Variants in MBNL2 observed in about 807,000 individuals in gnomAD.
The protein encoded by MBNL2 is muscleblind like splicing regulator 2, also known as muscleblind-like protein 2.
MBNL2 carries 17 observed loss-of-function variants against 41.9 expected under a neutral mutation model. That is an observed-to-expected ratio of 0.41 (90% CI 0.28 to 0.61). MBNL2 has a LOEUF of 0.61. Among genes scored for constraint, MBNL2 ranks in the 20% least tolerant of loss-of-function variants. The pLI is 0.35. For missense variants in MBNL2, 336 were observed against 505.6 expected (o/e 0.66, Z 3.22); for synonymous variants, 195 against 182.9 (o/e 1.07, Z -0.53).
chr13:97,324,650 C>T (rs929398218), intron 2 of MBNL2, among the ~76,000 whole-genome samples: 1 of 152,146 alleles, frequency 6.6e-6, no homozygotes, highest in African/African-American at 2.4e-5. Flanking sequence ...AGGTGAAGTC[C>T]TGCACTAAGC....
At chr13:97,217,557 G>A (rs549568843), upstream of MBNL2, among the ~76,000 whole-genome samples, 1 of 152,100 alleles carries the variant, frequency 6.6e-6, no homozygotes, top group Non-Finnish European at 1.5e-5. Flanking sequence ...AGGAATAGAA[G>A]ATTTTTCATG....
chr13:97,261,580 C>T (rs1399194827), intron 1 of MBNL2, among the ~76,000 whole-genome samples: 7 of 152,180 alleles, frequency 4.6e-5, no homozygotes, highest in African/African-American at 1.4e-4. Flanking sequence ...AATAAATTAA[C>T]GCTCTTTCGC....
chr13:97,378,274 C>T (rs2065139492), intron 8 of MBNL2, among the ~76,000 whole-genome samples: 1 of 148,522 alleles, frequency 6.7e-6, no homozygotes, highest in Admixed American at 6.6e-5. Flanking sequence ...CTCACACCAA[C>T]CCTGTAAGTT....
At chr13:97,200,427 C>T in the MBNL2 span, among the ~76,000 whole-genome samples, 3 of 152,340 alleles carry the variant, frequency 2.0e-5, no homozygotes, top group East Asian at 5.8e-4. Flanking sequence ...AACCCAGAAC[C>T]ATACAAGGAA....
intron 2 of MBNL2, among the ~76,000 whole-genome samples, chr13:97,286,530 CAT>C (rs1491474564): frequency 6.6e-6 from 1 of 152,206 alleles, no homozygotes; most frequent in Non-Finnish European, 1.5e-5. Context: ...CCTTTTAAAA[CAT>C]AAGTCACAGC....
chr13:97,208,127 A>G, the MBNL2 span, among the ~76,000 whole-genome samples: 1 of 152,242 alleles, frequency 6.6e-6, no homozygotes, highest in Non-Finnish European at 1.5e-5. Context: ...GTTTGGAGAT[A>G]AACAAAATTA....
At chr13:97,260,911 C>A (rs1036113945) in intron 1 of MBNL2, among the ~76,000 whole-genome samples, 1 of 152,034 alleles carries the variant, frequency 6.6e-6, no homozygotes, top group Admixed American at 6.5e-5. Flanking sequence ...TCACTCTCAT[C>A]TTTATTTTCT....
At chr13:97,374,690 C>T (rs1392924117) in intron 8 of MBNL2, among the ~76,000 whole-genome samples, 1 of 152,180 alleles carries the variant, frequency 6.6e-6, no homozygotes, top group Non-Finnish European at 1.5e-5. Flanking sequence ...TGTGCCCGAC[C>T]TCCTTTGCAG....
At chr13:97,159,454 T>G in the MBNL2 span, among the ~76,000 whole-genome samples, 13 of 152,150 alleles carry the variant, frequency 8.5e-5, no homozygotes, top group Admixed American at 4.6e-4. Flanking sequence ...GTTAGCTGGT[T>G]ATTTTGCTCG....
chr13:97,342,965 T>A, intron 3 of MBNL2, 51 bp from the exon 4 acceptor site: 1 of 1,203,016 alleles, frequency 8.3e-7, no homozygotes, highest in Non-Finnish European at 1.2e-6. Flanking sequence ...GGTAATTTTT[T>A]AAAGTTTTAT....
At chr13:97,197,189 T>G in the MBNL2 span, among the ~76,000 whole-genome samples, 6 of 152,216 alleles carry the variant, frequency 3.9e-5, no homozygotes, top group African/African-American at 1.4e-4. Flanking sequence ...CTTTATTTCT[T>G]AGGTAGATAC....
chr13:97,303,050 C>T (rs1166464383), intron 2 of MBNL2, among the ~76,000 whole-genome samples: 3 of 152,116 alleles, frequency 2.0e-5, no homozygotes, highest in East Asian at 1.9e-4. Context: ...ATTTCCAATT[C>T]GGAGCATTTT....
chr13:97,150,435 C>A, the MBNL2 span, among the ~76,000 whole-genome samples: 1 of 152,120 alleles, frequency 6.6e-6, no homozygotes, highest in African/African-American at 2.4e-5. Flanking sequence ...TCAGGTTGGC[C>A]TGATACATGA....
chr13:97,191,811 C>A, the MBNL2 span, among the ~76,000 whole-genome samples: 2 of 152,180 alleles, frequency 1.3e-5, no homozygotes, highest in Non-Finnish European at 2.9e-5. Context: ...GAAGGGGGAG[C>A]CCTCTGCAGC....
chr13:97,387,519 T>C (rs2066022123), intron 8 of MBNL2, among the ~76,000 whole-genome samples: 1 of 152,130 alleles, frequency 6.6e-6, no homozygotes, highest in Admixed American at 6.5e-5. Context: ...GGCCTCGCCT[T>C]CCCCTGATTC....
chr13:97,356,381 T>C (rs1238809122), intron 5 of MBNL2, among the ~76,000 whole-genome samples: 1 of 151,726 alleles, frequency 6.6e-6, no homozygotes, highest in Non-Finnish European at 1.5e-5. Context: ...AAAACTAACT[T>C]ATCAGAAGTT....
chr13:97,359,500 T>A (rs965243709), intron 7 of MBNL2, among the ~76,000 whole-genome samples: 1 of 152,164 alleles, frequency 6.6e-6, no homozygotes, highest in African/African-American at 2.4e-5. Context: ...TTAAAATGTT[T>A]CACCTTTTAA....
chr13:97,225,845 T>G (rs926756688), intron 1 of MBNL2, among the ~76,000 whole-genome samples: 1 of 152,190 alleles, frequency 6.6e-6, no homozygotes, highest in South Asian at 2.1e-4. Flanking sequence ...CCAGGCATCC[T>G]TTCCGGAAGG....
chr13:97,222,148 A>C (rs1317045757), upstream of MBNL2: 1 of 333,900 alleles, frequency 3.0e-6, no homozygotes, highest in Non-Finnish European at 5.4e-6. Context: ...TCTGAGAGGG[A>C]AATTCCTCTT....
Sources: gnomAD v4.1 joint callset for allele counts (sites outside exome capture counted in the v4.1 genomes callset) on GRCh38, gnomAD v4.1.1 for gene constraint, MANE v1.5 for transcripts, NCBI Gene and HGNC (gene_info 2026-07-23, HGNC 2026-07-21) for gene names.